The following MX2 variants were observed in gnomAD, a reference collection of about 807,000 sequenced individuals.
MX2 encodes interferon-induced GTP-binding protein Mx2.
MX2 carries 51 observed loss-of-function variants against 74.0 expected under a neutral mutation model. That is an observed-to-expected ratio of 0.69 (90% confidence interval 0.55 to 0.87). MX2 has a LOEUF of 0.87. Among genes scored for constraint, MX2 ranks in the 40% least tolerant of loss-of-function variants. The pLI is 0.00. For synonymous variants in MX2, 369 were observed against 339.3 expected (o/e 1.09, Z -0.96); for missense variants, 832 against 908.7 (o/e 0.92, Z 1.09).
chr21:41,398,894 T>C lies in MX2; in HGVS notation c.1150-3T>C, dbSNP rs1294079694. Reference sequence around the variant, plus strand: ...TTTGATTGTTTGCAATTGTTTTGTTTAGAAATCGCTCCCGTTGTTAGAAGG... The same window carrying C: ...TTTGATTGTTTGCAATTGTTTTGTTCAGAAATCGCTCCCGTTGTTAGAAGG... On this transcript the variant is annotated splice_polypyrimidine_tract_variant and splice_region_variant and intron_variant, in intron 8 of 13. Coordinates refer to ENST00000330714, the MANE Select transcript of MX2 (RefSeq NM_002463.2). 1 of 1,611,846 alleles carries C rather than the reference T, an allele frequency of 6.2e-7. No homozygotes were observed. The highest frequency in any genetic ancestry group is 8.5e-7 in the Non-Finnish European group (1 of 1,178,572).
intron 1 of MX2, among the ~76,000 whole-genome samples, chr21:41,371,841 T>G (rs111667002): frequency 6.6e-6 from 1 of 152,122 alleles, no homozygotes; most frequent in Non-Finnish European, 1.5e-5. Context: ...ATGATGTGAC[T>G]TTGGGTGAGC....
intron 6 of MX2, among the ~76,000 whole-genome samples, chr21:41,393,883 C>T (rs1010572424): frequency 1.3e-4 from 20 of 152,206 alleles, no homozygotes; most frequent in African/African-American, 4.6e-4. Context: ...TTCACAGAAC[C>T]CATCCGCCCA....
At position 41,363,077 on chromosome 21, in the gene MX2, C is replaced by T. The variant is rs1167108024; in HGVS notation, c.-72+1022C>T. Among the ~76,000 whole-genome samples, 5 of 152,030 alleles carry T rather than the reference C, an allele frequency of 3.3e-5. No individual in the cohort carries two copies. The highest frequency in any genetic ancestry group is 7.4e-5 in the Non-Finnish European group (5 of 68,014). On this transcript the variant is annotated intron_variant, in intron 1 of 13. Transcript: ENST00000330714. The surrounding 1 kb of genome is among the most constrained non-coding windows in gnomAD (Gnocchi z 4.2). ...TTCGGCTTTGATGACACCTTTTGAA[C>T]ACTGTTCTTTCTCATTTTGTGTTTA...
At position 41,368,908 on chromosome 21, in the gene MX2, A is replaced by G. The variant is rs2089291839; in HGVS notation, c.-72+6853A>G. On this transcript the variant is annotated intron_variant, in intron 1 of 13. Coordinates refer to ENST00000330714, the MANE Select transcript of MX2 (RefSeq NM_002463.2). The surrounding 1 kb of genome is among the most constrained non-coding windows in gnomAD (Gnocchi z 4.6). ...TTCAGAGTCCCAGGCTCCCTCCCAG[A>G]CAGATGGGTGGAGTGAGGCCACCTG... Among the ~76,000 whole-genome samples, 1 of 152,014 alleles carries G rather than the reference A, an allele frequency of 6.6e-6. No individual in the cohort carries two copies. Among genetic ancestry groups the G allele is most frequent in the African/African-American group, 2.4e-5 (1 of 41,414 alleles).
Position 41,408,045 on chromosome 21 carries a change from C to T in MX2, c.1960C>T (p.Leu654Phe). The change falls in exon 14 of 14, where the codon CTC becomes TTC. Residue 654 changes from leucine to phenylalanine, a missense_variant. Leu to Phe is a conservative substitution (Grantham distance 22, BLOSUM62 0). Transcript: ENST00000330714. ...QIPFIIQYFMLRENGDSLQKA... is the reference protein window; with the variant it reads ...QIPFIIQYFMFRENGDSLQKA... ...CCCATTTATAATTCAGTATTTTATGCTCCGAGAGAATGGTGACTCCTTGCA... is the reference window on the plus strand; with the variant it reads ...CCCATTTATAATTCAGTATTTTATGTTCCGAGAGAATGGTGACTCCTTGCA... 6.2e-7 allele frequency: 1 copy of T among 1,614,188 alleles called. No homozygotes were observed. Among genetic ancestry groups the T allele is most frequent in the South Asian group, 1.1e-5 (1 of 91,086 alleles).
intron 1 of MX2, chr21:41,364,906 A>G (rs1364526332): frequency 6.6e-6 from 1 of 152,098 alleles, no homozygotes; most frequent in Admixed American, 6.5e-5. Context: ...GATGGTGCCC[A>G]CCTAGACTGA....
chr21:41,374,706 C>T (rs915788861), intron 1 of MX2, among the ~76,000 whole-genome samples: 2 of 151,884 alleles, frequency 1.3e-5, no homozygotes, highest in African/African-American at 2.4e-5. Flanking sequence ...GCAGGTTGCT[C>T]GAGGGAGAAA....
intron 9 of MX2, 82 bp from the exon 10 acceptor site, chr21:41,399,114 C>T (rs991690379): frequency 1.4e-5 from 22 of 1,593,832 alleles, no homozygotes; most frequent in Non-Finnish European, 1.7e-5. Context: ...ATGAGGTGGG[C>T]GGGTGGACAT....
At chr21:41,371,214 T>C (rs983732951) in intron 1 of MX2, among the ~76,000 whole-genome samples, 1 of 152,200 alleles carries the variant, frequency 6.6e-6, no homozygotes, top group Admixed American at 6.5e-5. Context: ...AGCTGTCCAC[T>C]CCCAAAGCCG....
At position 41,388,284 on chromosome 21, in the gene MX2, G is replaced by A. The variant is rs2089608723; in HGVS notation, c.733-2281G>A. ...CCCTACTTCATGGACCACATTTCCT[G>A]TCACTGCGCCTTGGCCCCTCGCTCC... On this transcript the variant is annotated intron_variant, in intron 5 of 13. Transcript: ENST00000330714. This position sits in a 1 kb window ranked among gnomAD's most constrained non-coding sequence, Gnocchi z 4.0. 1.3e-5 allele frequency among the ~76,000 whole-genome samples: 2 copies of A among 152,164 alleles called. No homozygotes were observed. The highest frequency in any genetic ancestry group is 2.9e-5 in the Non-Finnish European group (2 of 68,034).
chr21:41,397,614 G>A lies in MX2; in HGVS notation c.1072G>A (p.Val358Ile). The change falls in exon 8 of 14, where the codon GTT (valine) becomes ATT (isoleucine). Residue 358 changes from valine (V) to isoleucine (I), a missense_variant and splice_region_variant. Val to Ile is a conservative substitution (Grantham distance 29, BLOSUM62 3). Transcript: ENST00000330714. The part of the protein sequence containing the change: ...TFFQTHPYFR[V>I]LLEEGSATVP... ...GCATGAATGTCTGTCTCATTTCAGA[G>A]TTCTCCTGGAGGAGGGGTCAGCCAC... The A allele has an allele frequency of 6.2e-7, 1 of 1,613,738 alleles. No individual in the cohort carries two copies.
chr21:41,396,792 A>G (rs56048919), intron 7 of MX2, among the ~76,000 whole-genome samples: 3,943 of 152,240 alleles, frequency 0.026, 180 homozygotes, highest in East Asian at 0.14. Context: ...GAGCTGGGAG[A>G]AGATTTCAAA....
chr21:41,370,967 C>T (rs1458482785), intron 1 of MX2, among the ~76,000 whole-genome samples: 1 of 152,136 alleles, frequency 6.6e-6, no homozygotes, highest in East Asian at 1.9e-4. Context: ...GCAAGATTTC[C>T]AAATGGACTG....
chr21:41,378,347 CCT>C (rs1555875928), intron 3 of MX2, among the ~76,000 whole-genome samples: 39 of 151,374 alleles, frequency 2.6e-4, no homozygotes, highest in African/African-American at 6.8e-4. Context: ...CTGGGAGGGC[CCT>C]AGGAGGGCAG....
chr21:41,362,441 G>T (rs1029912907), intron 1 of MX2, among the ~76,000 whole-genome samples: 1 of 152,186 alleles, frequency 6.6e-6, no homozygotes, highest in African/African-American at 2.4e-5. Flanking sequence ...AGGGTTTCAA[G>T]TGTTCCTTCT....
At chr21:41,387,467 C>T (rs908995680) in intron 5 of MX2, among the ~76,000 whole-genome samples, 1 of 152,210 alleles carries the variant, frequency 6.6e-6, no homozygotes, top group Non-Finnish European at 1.5e-5. Flanking sequence ...TAGTTTTCAA[C>T]TGCAATTGAT....
rs1005948711 is a variant in MX2 at position 41,363,845 on chromosome 21, A to C, written c.-72+1790A>C. 4 of 155,160 alleles carry C rather than the reference A, an allele frequency of 2.6e-5. No individual in the cohort carries two copies. Among genetic ancestry groups the C allele is most frequent in the Non-Finnish European group, 5.9e-5 (4 of 68,346 alleles). 9.6% of individuals were successfully genotyped at this position (155,160 alleles called of 1,614,324 possible). On this transcript the variant is annotated intron_variant, in intron 1 of 13. Coordinates refer to ENST00000330714, the MANE Select transcript of MX2 (RefSeq NM_002463.2). This position sits in a 1 kb window ranked among gnomAD's most constrained non-coding sequence, Gnocchi z 4.2. ...GTGCTTACGTGATCCTGGCAGTCTC[A>C]GTCAAACTTCCAAACTCAGCAGGGA...
In MX2 at chr21:41,365,569, T is replaced by C. The variant is rs1041051675; in HGVS notation, c.-72+3514T>C. 3.9e-5 allele frequency: 6 copies of C among 152,344 alleles called. No individual in the cohort carries two copies. In the South Asian group the frequency reaches 8.3e-4, roughly 21 times the overall value. 9.4% of individuals were successfully genotyped at this position (152,344 alleles called of 1,614,324 possible). A position where few individuals can be genotyped will look rare whatever the true frequency, so the allele number is the denominator to read the frequency against. On this transcript the variant is annotated intron_variant, in intron 1 of 13. Coordinates refer to ENST00000330714, the MANE Select transcript of MX2 (RefSeq NM_002463.2). The stretch of plus-strand genomic sequence containing the variant: ...TGCAAAGGACATGATCTCATTCTTT[T>C]TGATGGTTGCATAGTATTCCATAGT...
At chr21:41,375,519 G>A (rs1346862452) in intron 1 of MX2, among the ~76,000 whole-genome samples, 1 of 152,202 alleles carries the variant, frequency 6.6e-6, no homozygotes, top group East Asian at 1.9e-4. Context: ...CCAGCTCCTG[G>A]TGGCTGTGGC....
Sources: allele counts gnomAD v4.1 joint callset (sites outside exome capture counted in the v4.1 genomes callset), GRCh38; gene constraint gnomAD v4.1.1; non-coding constraint Gnocchi (gnomAD v3.1); transcripts MANE v1.5; gene names NCBI Gene and HGNC (gene_info 2026-07-23, HGNC 2026-07-21).